Variants in MMP13 observed in about 807,000 individuals in gnomAD.
The protein encoded by MMP13 is matrix metallopeptidase 13, also known as collagenase 3.
MMP13 carries 45 observed loss-of-function variants against 52.1 expected under a neutral mutation model. The observed-to-expected ratio is 0.86, with a 90% CI of 0.68 to 1.11. MMP13 has a LOEUF of 1.11. Among genes scored for constraint, MMP13 ranks in the 50% least tolerant of loss-of-function variants. The pLI, the probability that MMP13 is intolerant of heterozygous loss-of-function variation, is 0.00. For synonymous variants in MMP13, 200 were observed against 204.4 expected (o/e 0.98, Z 0.18); for missense variants, 576 against 583.8 (o/e 0.99, Z 0.14).
chr11:102,954,233 T>A lies in MMP13; in HGVS notation c.560A>T (p.His187Leu). ...PFDGPSGLLAHAFPPGPNYGG... is the reference protein window; with the variant it reads ...PFDGPSGLLALAFPPGPNYGG... ...ATAATTTGGCCCAGGAGGAAAAGCA[T>A]GAGCCAGCAGGCCAGAGGGCCCATC... Residue 187 changes from histidine to leucine, a missense_variant, in exon 4 of 10, where the codon CAT (histidine) becomes CTT (leucine). Physicochemically the swap from His to Leu is moderately conservative, Grantham distance 99 (BLOSUM62 -3). Transcript: ENST00000260302. 6.2e-7 allele frequency: 1 copy of A among 1,613,718 alleles called. No homozygotes were observed. Among genetic ancestry groups the A allele is most frequent in the Non-Finnish European group, 8.5e-7 (1 of 1,179,770 alleles).
chr11:102,945,660 A>G lies in MMP13; in HGVS notation c.1301T>C (p.Val434Ala), dbSNP rs782124997. ...TAACTACTTACCATTTTTCTCATAG[A>G]CAGCATCTACTTTATCACCAATTCC... ...FPGIGDKVDA[V>A]YEKNGYIYFF... Residue 434 changes from valine to alanine, a missense_variant, in exon 9 of 10, where the codon GTC becomes GCC. Val to Ala is a moderately conservative substitution (Grantham distance 64, BLOSUM62 0). Transcript: ENST00000260302. 18 of 1,592,596 alleles carry G rather than the reference A, an allele frequency of 1.1e-5. No individual in the cohort carries two copies. The highest frequency in any genetic ancestry group is 5.0e-5 in the Admixed American group (3 of 59,986).
Position 102,945,741 on chromosome 11 carries a change from T to A in MMP13, c.1220A>T (p.Asp407Val), listed in dbSNP as rs1412622791. ...GTCTTTATCCATAATATGGTTAGTA[T>A]CATCATATCTATTTAAAGAAAAAAA... ...FSGNQVWRYD[D>V]TNHIMDKDYP... Residue 407 changes from aspartate (D) to valine (V), a missense_variant, in exon 9 of 10, where the codon GAT becomes GTT. Physicochemically the swap from Asp to Val is radical, Grantham distance 152. Coordinates refer to ENST00000260302, the MANE Select transcript of MMP13 (RefSeq NM_002427.4). 6.5e-7 allele frequency: 1 copy of A among 1,546,944 alleles called. No individual in the cohort carries two copies. Among genetic ancestry groups the A allele is most frequent in the African/African-American group, 1.4e-5 (1 of 73,482 alleles).
At chr11:102,954,665 C>CTGTAT in intron 2 of MMP13, 59 bp from the exon 3 acceptor site, 1 of 1,498,628 alleles carries the variant, frequency 6.7e-7, no homozygotes, top group Non-Finnish European at 9.3e-7. Flanking sequence ...TTTTAGAATA[C>CTGTAT]ATTTTCTTGG....
rs782024999 is a variant in MMP13, at chr11:102,952,173, C to T, written c.638G>A (p.Gly213Asp). The change falls in exon 5 of 10, where the codon GGC becomes GAC. Residue 213 changes from glycine (G) to aspartate (D), a missense_variant and splice_region_variant. Coordinates refer to ENST00000260302, the MANE Select transcript of MMP13 (RefSeq NM_002427.4). This position sits in a 1 kb window ranked among gnomAD's most constrained non-coding sequence, Gnocchi z 4.3. ...DDETWTSSSK[G>D]YNLFLVAAHE... Reference sequence around the variant, plus strand: ...CGCAGCAACAAGAAACAAGTTGTAGCCTGTAAGAAAACAAAGAAACAATGA... The same window carrying T: ...CGCAGCAACAAGAAACAAGTTGTAGTCTGTAAGAAAACAAAGAAACAATGA... 7.4e-6 allele frequency: 12 copies of T among 1,612,426 alleles called. No individual in the cohort carries two copies. In the South Asian group the frequency reaches 7.7e-5, roughly 10 times the overall value.
At chr11:102,950,439 T>G (rs1860593141) in intron 5 of MMP13, among the ~76,000 whole-genome samples, 1 of 152,118 alleles carries the variant, frequency 6.6e-6, no homozygotes, top group African/African-American at 2.4e-5. Context: ...CTCTCGAGAT[T>G]CTTTAGAAGT....
intron 9 of MMP13, chr11:102,945,293 A>G: frequency 1.0e-6 from 1 of 1,003,154 alleles, no homozygotes; most frequent in Non-Finnish European, 1.3e-6. Flanking sequence ...GTCACTATAT[A>G]GTTAAGGTAG....
rs1555017013 is a variant in MMP13, at chr11:102,949,100, A to T, written c.976T>A (p.Phe326Ile). The T allele has an allele frequency of 6.2e-7, 1 of 1,613,890 alleles. No homozygotes were observed. The highest frequency in any genetic ancestry group is 8.5e-7 in the Non-Finnish European group (1 of 1,179,850). ...VDAELFLTKS[F>I]WPELPNRIDA... ...ATACGGTTGGGAAGTTCTGGCCAAA[A>T]TGATTTCGTTAAAAACAGCTCCGCA... The change falls in exon 7 of 10, where the codon TTT becomes ATT. Residue 326 changes from phenylalanine to isoleucine, a missense_variant. By Grantham distance (21) the Phe-to-Ile change is conservative. Coordinates refer to ENST00000260302, the MANE Select transcript of MMP13 (RefSeq NM_002427.4). The surrounding 1 kb of genome is among the most constrained non-coding windows in gnomAD (Gnocchi z 4.2).
chr11:102,953,466 T>C (rs1413231673), intron 4 of MMP13, among the ~76,000 whole-genome samples: 1 of 152,208 alleles, frequency 6.6e-6, no homozygotes, highest in Non-Finnish European at 1.5e-5. Context: ...CATCTACTTG[T>C]CATAACTAAG....
chr11:102,945,318 A>C (rs1591152965), intron 9 of MMP13: 1 of 1,020,372 alleles, frequency 9.8e-7, no homozygotes, highest in East Asian at 6.5e-5. Flanking sequence ...GAGTCTTTAT[A>C]TATAAATTAC....
Position 102,954,552 on chromosome 11 carries a change from T to C in MMP13, c.417A>G (p.Lys139=). 6.2e-7 allele frequency: 1 copy of C among 1,613,642 alleles called. No homozygotes were observed. Among genetic ancestry groups the C allele is most frequent in the Non-Finnish European group, 8.5e-7 (1 of 1,179,638 alleles). The stretch of plus-strand genomic sequence containing the variant: ...CATCGGACCAAACTTTGAAGGCTTT[T>C]TTGAATGCCTTTTCGACTTCAGAAT... ...MTHSEVEKAF[K]KAFKVWSDVT... The change falls in exon 3 of 10, where the codon AAA becomes AAG. Residue 139 remains lysine, a synonymous_variant. Transcript: ENST00000260302.
At position 102,955,440 on chromosome 11, in the gene MMP13, C is replaced by G. The variant is rs749793838; in HGVS notation, c.174G>C (p.Glu58Asp). 1.8e-5 allele frequency: 29 copies of G among 1,614,086 alleles called. No homozygotes were observed. The highest frequency in any genetic ancestry group is 2.5e-5 in the Non-Finnish European group (29 of 1,179,962). ...TCTCAGTCATGGAGCTTGCTGCATT[C>G]TCCTTCAGGATTCCCGCGAGATTTG... ...HPTNLAGILKENAASSMTERL... is the reference protein window; with the variant it reads ...HPTNLAGILKDNAASSMTERL... The change falls in exon 2 of 10, where the codon GAG (glutamate) becomes GAC (aspartate). Residue 58 changes from glutamate (E) to aspartate (D), a missense_variant. Coordinates refer to ENST00000260302, the MANE Select transcript of MMP13 (RefSeq NM_002427.4). This position sits in a 1 kb window ranked among gnomAD's most constrained non-coding sequence, Gnocchi z 4.9.
intron 7 of MMP13, among the ~76,000 whole-genome samples, chr11:102,948,526 T>C (rs868994534): frequency 6.6e-6 from 1 of 152,160 alleles, no homozygotes; most frequent in Non-Finnish European, 1.5e-5. Flanking sequence ...TTTTAAATTA[T>C]GGTCATAAAG....
rs151254531 is a variant in MMP13, at chr11:102,955,313, C to A, written c.301G>T (p.Val101Leu). 270 of 1,613,960 alleles carry A rather than the reference C, an allele frequency of 1.7e-4. No individual in the cohort carries two copies. The highest frequency in any genetic ancestry group is 2.1e-4 in the Non-Finnish European group (253 of 1,179,886). Reference sequence around the variant, plus strand: ...CGAGGGAAAACATTGTATTCACCCACATCAGGAACCCCGCATCTTGGCTTT... The same window carrying A: ...CGAGGGAAAACATTGTATTCACCCAAATCAGGAACCCCGCATCTTGGCTTT... ...MKKPRCGVPD[V>L]GEYNVFPRTL... is the part of the protein sequence containing the mutation. Residue 101 changes from valine to leucine, a missense_variant, in exon 2 of 10, where the codon GTG (valine) becomes TTG (leucine). Physicochemically the swap from Val to Leu is conservative, Grantham distance 32. Coordinates refer to ENST00000260302, the MANE Select transcript of MMP13 (RefSeq NM_002427.4). The surrounding 1 kb of genome is among the most constrained non-coding windows in gnomAD (Gnocchi z 4.9).
At chr11:102,947,208 T>A (rs1860523410) in intron 8 of MMP13, among the ~76,000 whole-genome samples, 1 of 152,272 alleles carries the variant, frequency 6.6e-6, no homozygotes, top group African/African-American at 2.4e-5. Flanking sequence ...GGTATCCTCT[T>A]TGGCCACGGA....
At position 102,943,998 on chromosome 11, in the gene MMP13, G is replaced by T. The variant is rs1259644583; in HGVS notation, c.*268C>A. The T allele has an allele frequency of 2.4e-6, 1 of 410,352 alleles. No individual in the cohort carries two copies. Among genetic ancestry groups the T allele is most frequent in the Non-Finnish European group, 4.6e-6 (1 of 215,256 alleles). 25.4% of individuals were successfully genotyped at this position (410,352 alleles called of 1,614,324 possible). A position where few individuals can be genotyped will look rare whatever the true frequency, so the allele number is the denominator to read the frequency against. ...TGACAGACCATGTGTCCCATTTGTG[G>T]TGTGGGAAGTATCATCAACCATTGC... On this transcript the variant is annotated 3_prime_UTR_variant, in exon 10 of 10. Transcript: ENST00000260302.
intron 4 of MMP13, 90 bp downstream of exon 4, chr11:102,954,066 T>C: frequency 1.4e-6 from 2 of 1,415,224 alleles, no homozygotes; most frequent in East Asian, 4.9e-5. Context: ...ATACCAAATA[T>C]ATTTAACTTT....
rs17860525 is a variant in MMP13, at chr11:102,955,111, T to C, written c.362+141A>G. The C allele has an allele frequency of 2.3e-6, 2 of 872,392 alleles. No individual in the cohort carries two copies. The highest frequency in any genetic ancestry group is 1.5e-5 in the South Asian group (1 of 64,620). 54.0% of individuals were successfully genotyped at this position (872,392 alleles called of 1,614,324 possible). A position where few individuals can be genotyped will look rare whatever the true frequency, so the allele number is the denominator to read the frequency against. ...TGAGTTAATGTAACAATAATAGATG[T>C]TATGAGGTATTCTCGGCAACCATAT... On this transcript the variant is annotated intron_variant, in intron 2 of 9. Transcript: ENST00000260302. The surrounding 1 kb of genome is among the most constrained non-coding windows in gnomAD (Gnocchi z 4.9).
rs187806244 is a variant in MMP13 at position 102,945,568 on chromosome 11, A to G, written c.1315+78T>C. 8.1e-4 allele frequency: 748 copies of G among 920,584 alleles called. 9 individuals are homozygous for G. The highest frequency in any genetic ancestry group is 4.7e-3 in the South Asian group (356 of 75,234). 57.0% of individuals were successfully genotyped at this position (920,584 alleles called of 1,614,324 possible). On this transcript the variant is annotated intron_variant, in intron 9 of 9. Transcript: ENST00000260302. Reference sequence around the variant, plus strand: ...TTATTAACACATCTAGGTCCTATATAAAAATGCTTTGTACAGAAAAGAGTT... The same window carrying G: ...TTATTAACACATCTAGGTCCTATATGAAAATGCTTTGTACAGAAAAGAGTT...
intron 8 of MMP13, 79 bp from the exon 9 acceptor site, chr11:102,945,828 C>A: frequency 1.3e-6 from 1 of 757,836 alleles, no homozygotes. Context: ...GATACAATGG[C>A]ATCTTTCAAA....
Sources: allele counts gnomAD v4.1 joint callset (sites outside exome capture counted in the v4.1 genomes callset), GRCh38; gene constraint gnomAD v4.1.1; non-coding constraint Gnocchi (gnomAD v3.1); transcripts MANE v1.5; gene names NCBI Gene and HGNC (gene_info 2026-07-23, HGNC 2026-07-21).